The following PRH1 variants were observed in gnomAD, a reference collection of about 807,000 sequenced individuals.
PRH1 encodes the protein proline rich protein HaeIII subfamily 1.
In PRH1, 7 loss-of-function variants were observed where a neutral mutation model predicts 7.9. The observed-to-expected ratio is 0.89, with a 90% CI of 0.50 to 1.67. The LOEUF (loss-of-function observed/expected upper bound fraction) is 1.67. PRH1 is among the 40% of genes most tolerant of loss of function. The probability of loss-of-function intolerance (pLI) is 0.00; values close to 1 mark genes in which losing one functional copy is unlikely to be tolerated. For synonymous variants in PRH1, 45 were observed against 80.8 expected (o/e 0.56, Z 2.38); for missense variants, 109 against 223.6 (o/e 0.49, Z 3.27).
chr12:10,932,162 A>G (rs555502718), intron 2 of PRH1: 1 of 405,270 alleles, frequency 2.5e-6, no homozygotes, highest in East Asian at 7.4e-5. Context: ...GCAGTAAACC[A>G]ATGAGGTATT....
chr12:11,039,905 T>G (rs1007815344), intron 1 of PRH1, among the ~76,000 whole-genome samples: 10 of 93,352 alleles, frequency 1.1e-4, no homozygotes, highest in African/African-American at 2.3e-4. Flanking sequence ...GGAAAATTAA[T>G]TACAGGGACA....
chr12:11,033,325 C>T (rs1942305164), intron 1 of PRH1, among the ~76,000 whole-genome samples: 2 of 152,028 alleles, frequency 1.3e-5, no homozygotes, highest in Admixed American at 1.3e-4. Context: ...TGAGATTATG[C>T]CACTGCACTC....
In PRH1 at chr12:11,093,073, G is replaced by C. The variant is rs764643396; in HGVS notation, n.124-45885C>G. Among the ~76,000 whole-genome samples, 9 of 116,224 alleles carry C rather than the reference G, an allele frequency of 7.7e-5. 4 individuals carry two copies. The highest frequency in any genetic ancestry group is 1.4e-4 in the Non-Finnish European group (7 of 49,192). The allele number at this position is 116,224 out of a possible 152,430, so 76.2% of individuals were successfully genotyped here. A position where few individuals can be genotyped will look rare whatever the true frequency, so the allele number is the denominator to read the frequency against. On this transcript the variant is annotated intron_variant and non_coding_transcript_variant, in intron 1 of 4. Coordinates refer to the PRH1 transcript ENST00000541977. ...GCAAATAGGGACATATTCACTTTCAGTGTTTGCAATTTTTCCTTGTGTAAA... is the reference window on the plus strand; with the variant it reads ...GCAAATAGGGACATATTCACTTTCACTGTTTGCAATTTTTCCTTGTGTAAA...
At chr12:11,091,167 A>C in intron 1 of PRH1, 1 of 564,046 alleles carries the variant, frequency 1.8e-6, no homozygotes, top group South Asian at 3.1e-5. Context: ...ATTGGGTCAA[A>C]GACTTTTCTA....
chr12:10,908,753 A>G, intron 2 of PRH1: 1 of 1,613,992 alleles, frequency 6.2e-7, no homozygotes, highest in Non-Finnish European at 8.5e-7. Context: ...ACATAGTCAT[A>G]GTGAATTTGA....
chr12:11,065,692 T>TA (rs1290267365), intron 1 of PRH1, among the ~76,000 whole-genome samples: 11 of 152,194 alleles, frequency 7.2e-5, no homozygotes, highest in Non-Finnish European at 1.5e-4. Context: ...ACAAAGTATT[T>TA]ATAACACCAA....
chr12:10,974,057 G>A (rs1006136220), intron 1 of PRH1, among the ~76,000 whole-genome samples: 3 of 152,112 alleles, frequency 2.0e-5, no homozygotes, highest in Admixed American at 1.3e-4. Context: ...TAATACTATA[G>A]ACAAGAATAA....
chr12:10,985,577 TAAGTA>T (rs1217693930), intron 1 of PRH1, among the ~76,000 whole-genome samples: 12 of 152,270 alleles, frequency 7.9e-5, no homozygotes, highest in African/African-American at 2.9e-4. Context: ...TTAACAATTA[TAAGTA>T]AAGATCACAC....
chr12:11,062,242 A>G (rs953625326), intron 1 of PRH1: 2 of 1,613,260 alleles, frequency 1.2e-6, no homozygotes, highest in Non-Finnish European at 1.7e-6. Flanking sequence ...ATTTCCAATC[A>G]CAAATGTAAC....
intron 1 of PRH1, among the ~76,000 whole-genome samples, chr12:11,024,624 A>T (rs11054173): frequency 0.46 from 68,841 of 149,162 alleles, 16,389 homozygotes; most frequent in Non-Finnish European, 0.53. Context: ...TGTGATCCAT[A>T]TCTTTTCACT....
intron 2 of PRH1, chr12:10,930,454 G>T: frequency 6.9e-7 from 1 of 1,452,348 alleles, no homozygotes; most frequent in East Asian, 2.4e-5. Context: ...CCTTGATTCT[G>T]GGGACCATGA....
chr12:10,956,622 C>T (rs1466969347), intron 2 of PRH1, among the ~76,000 whole-genome samples: 1 of 152,008 alleles, frequency 6.6e-6, no homozygotes, highest in African/African-American at 2.4e-5. Context: ...GAGAAGAAGT[C>T]AAATTATCCC....
intron 1 of PRH1, among the ~76,000 whole-genome samples, chr12:11,075,661 G>C (rs1380135741): frequency 8.5e-6 from 1 of 117,000 alleles, no homozygotes; most frequent in Non-Finnish European, 2.0e-5. Context: ...ATTCCACCTT[G>C]TCTCTACTTC....
In PRH1 at chr12:11,037,951, A is replaced by T. The variant is rs1006363579; in HGVS notation, c.-126+9069T>A. Among the ~76,000 whole-genome samples, 620 of 151,926 alleles carry T rather than the reference A, an allele frequency of 4.1e-3. No homozygotes were observed. In the East Asian group the frequency reaches 0.073, roughly 18 times the overall value. ...TAGATATTCAGGAGGCTGAGATGGG[A>T]GAATCACTTGAGCCCAGGTGGCGGA... On this transcript the variant is annotated intron_variant, in intron 1 of 3. Coordinates refer to the PRH1 transcript ENST00000539853.
intron 1 of PRH1, among the ~76,000 whole-genome samples, chr12:11,150,070 T>A (rs1217008085): frequency 6.7e-6 from 1 of 148,266 alleles, no homozygotes; most frequent in Admixed American, 6.8e-5. Flanking sequence ...CATGAAAAAA[T>A]GCTCATCATC....
chr12:11,109,069 G>A (rs2136299324), intron 1 of PRH1, among the ~76,000 whole-genome samples: 1 of 152,310 alleles, frequency 6.6e-6, no homozygotes, highest in Non-Finnish European at 1.5e-5. Context: ...CAAACTGGGT[G>A]GAGCCCACAG....
chr12:11,111,846 A>T (rs1945598290), intron 1 of PRH1, among the ~76,000 whole-genome samples: 1 of 152,228 alleles, frequency 6.6e-6, no homozygotes, highest in African/African-American at 2.4e-5. Context: ...ACCCTTCAGA[A>T]AATCAATGAA....
At chr12:11,115,827 T>C (rs898546115) in intron 1 of PRH1, among the ~76,000 whole-genome samples, 1 of 151,582 alleles carries the variant, frequency 6.6e-6, no homozygotes, top group African/African-American at 2.4e-5. Flanking sequence ...TAAAAGGAAA[T>C]TGAAAAAATG....
chr12:11,136,647 CA>C (rs1486725729), intron 1 of PRH1, among the ~76,000 whole-genome samples: 12 of 152,230 alleles, frequency 7.9e-5, no homozygotes, highest in Middle Eastern at 3.4e-3. Flanking sequence ...TTATTTTATA[CA>C]GCAAACATTC....
Sources: allele counts gnomAD v4.1 joint callset (sites outside exome capture counted in the v4.1 genomes callset), GRCh38; gene constraint gnomAD v4.1.1; transcripts MANE v1.5; gene names NCBI Gene and HGNC (gene_info 2026-07-23, HGNC 2026-07-21).